Variants in AGAP1 observed in about 807,000 individuals in gnomAD.
AGAP1 encodes arf-GAP with GTPase, ANK repeat and PH domain-containing protein 1.
A neutral mutation model predicts 105.3 loss-of-function variants in AGAP1; 29 were observed. The ratio of observed to expected loss-of-function variants is 0.28; its 90% CI spans 0.21 to 0.38. The LOEUF (loss-of-function observed/expected upper bound fraction) is 0.38. Ranked by LOEUF, AGAP1 falls within the 10% of genes least tolerant of loss-of-function variation. The probability of loss-of-function intolerance (pLI) is 1.00; values close to 1 mark genes in which losing one functional copy is unlikely to be tolerated. For missense variants in AGAP1, 998 were observed against 1,165.1 expected (o/e 0.86, Z 2.09); for synonymous variants, 509 against 485.9 (o/e 1.05, Z -0.63).
chr2:235,699,865 C>G (rs549197835), intron 1 of AGAP1, among the ~76,000 whole-genome samples: 1 of 152,312 alleles, frequency 6.6e-6, no homozygotes, highest in African/African-American at 2.4e-5. Context: ...AGGTGTGGGG[C>G]TTTGCCAGAA....
At chr2:235,706,794 T>G (rs1341808619) in intron 1 of AGAP1, among the ~76,000 whole-genome samples, 3 of 152,214 alleles carry the variant, frequency 2.0e-5, no homozygotes, top group Non-Finnish European at 4.4e-5. Context: ...GGCCTGCATT[T>G]TGGAGTCATC....
rs1426319661 is a variant in AGAP1 at position 235,830,011 on chromosome 2, G to A, written c.1050+22680G>A. On this transcript the variant is annotated intron_variant, in intron 9 of 17. Transcript: ENST00000304032. The surrounding 1 kb of genome is among the most constrained non-coding windows in gnomAD (Gnocchi z 5.5). Reference sequence around the variant, plus strand: ...GGGGCACATGGGGACCAGGACACCTGGACATACACAGTCAGAAGGAAGACT... The same window carrying A: ...GGGGCACATGGGGACCAGGACACCTAGACATACACAGTCAGAAGGAAGACT... 3.9e-5 allele frequency among the ~76,000 whole-genome samples: 6 copies of A among 152,114 alleles called. No homozygotes were observed. Among genetic ancestry groups the A allele is most frequent in the Admixed American group, 6.6e-5 (1 of 15,264 alleles).
At chr2:235,821,084 G>A (rs890249529) in intron 9 of AGAP1, among the ~76,000 whole-genome samples, 1 of 152,068 alleles carries the variant, frequency 6.6e-6, no homozygotes, top group African/African-American at 2.4e-5. Flanking sequence ...TAGGAGAAAG[G>A]GAAAAAGACC....
At chr2:235,840,280 C>T (rs922553803) in intron 9 of AGAP1, among the ~76,000 whole-genome samples, 1 of 150,354 alleles carries the variant, frequency 6.7e-6, no homozygotes, top group Non-Finnish European at 1.5e-5. Flanking sequence ...TGGCTTCAGC[C>T]GCTGTCCATT....
intron 1 of AGAP1, among the ~76,000 whole-genome samples, chr2:235,678,720 C>T (rs535094394): frequency 3.3e-5 from 5 of 152,238 alleles, no homozygotes; most frequent in East Asian, 3.9e-4. Context: ...GACTGTCCTC[C>T]TGCCTGCCTG....
At chr2:235,632,015 G>A (rs1946844891) in intron 1 of AGAP1, among the ~76,000 whole-genome samples, 1 of 152,222 alleles carries the variant, frequency 6.6e-6, no homozygotes, top group South Asian at 2.1e-4. Flanking sequence ...GGTTTATGGG[G>A]TCACCAGCCT....
At position 235,908,890 on chromosome 2, in the gene AGAP1, C is replaced by T. The variant is rs749285907; in HGVS notation, c.1308C>T (p.His436=). The change falls in exon 11 of 18, where the codon CAC becomes CAT. Residue 436 remains histidine, a synonymous_variant. Transcript: ENST00000304032. The surrounding 1 kb of genome is among the most constrained non-coding windows in gnomAD (Gnocchi z 4.4). ...NGLSKDMSSL[H]ISPNSGNVTS... ...TATCCAAGGACATGAGCAGTTTACA[C>T]ATCTCACCCAATTCAGGTAAGCTTA... 10 of 1,612,482 alleles carry T rather than the reference C, an allele frequency of 6.2e-6. No homozygotes were observed. In the African/African-American group the frequency reaches 9.4e-5, roughly 15 times the overall value.
intron 4 of AGAP1, among the ~76,000 whole-genome samples, chr2:235,743,617 C>T (rs181719601): frequency 1.3e-5 from 2 of 152,212 alleles, no homozygotes; most frequent in Admixed American, 1.3e-4. Context: ...TAAGTTTTAC[C>T]ATGTACATGT....
intron 1 of AGAP1, among the ~76,000 whole-genome samples, chr2:235,637,463 T>C (rs536801220): frequency 2.0e-5 from 3 of 150,338 alleles, no homozygotes; most frequent in Admixed American, 2.0e-4. Context: ...TTTTTTTTTT[T>C]GTAGAGACAG....
intron 1 of AGAP1, among the ~76,000 whole-genome samples, chr2:235,522,041 G>A (rs80192382): frequency 0.021 from 3,172 of 152,216 alleles, 55 homozygotes; most frequent in Non-Finnish European, 0.028. Flanking sequence ...TGAATACATC[G>A]GATGTAATCA....
intron 5 of AGAP1, among the ~76,000 whole-genome samples, chr2:235,746,507 C>T (rs535291252): frequency 2.6e-4 from 38 of 147,956 alleles, no homozygotes; most frequent in Non-Finnish European, 5.0e-4. Flanking sequence ...AGGCCTAATG[C>T]ACCCTCTAGT....
rs1437460679 is a variant in AGAP1 at position 235,919,966 on chromosome 2, T to A, written c.1325-10799T>A. ...CACTGTCGGAATCTGGAGCAGCACGTGTTCCTTCAGCAGATAAAAATGGCA... is the reference window on the plus strand; with the variant it reads ...CACTGTCGGAATCTGGAGCAGCACGAGTTCCTTCAGCAGATAAAAATGGCA... On this transcript the variant is annotated intron_variant, in intron 11 of 17. Coordinates refer to ENST00000304032, the MANE Select transcript of AGAP1 (RefSeq NM_001037131.3). The surrounding 1 kb of genome is among the most constrained non-coding windows in gnomAD (Gnocchi z 4.1). 1.3e-5 allele frequency among the ~76,000 whole-genome samples: 2 copies of A among 152,192 alleles called. No individual in the cohort carries two copies. Among genetic ancestry groups the A allele is most frequent in the African/African-American group, 4.8e-5 (2 of 41,448 alleles).
rs1961070304 is a variant in AGAP1 at position 235,843,237 on chromosome 2, G to A, written c.1050+35906G>A. Among the ~76,000 whole-genome samples the A allele has an allele frequency of 6.6e-6, 1 of 152,090 alleles. No individual in the cohort carries two copies. The highest frequency in any genetic ancestry group is 1.5e-5 in the Non-Finnish European group (1 of 68,030). ...CTCCTTCTTAGAGAGTGGTCTTCGG[G>A]AGGACCTGAGCTTCGGCTGCGGCCT... On this transcript the variant is annotated intron_variant, in intron 9 of 17. Coordinates refer to ENST00000304032, the MANE Select transcript of AGAP1 (RefSeq NM_001037131.3). This position sits in a 1 kb window ranked among gnomAD's most constrained non-coding sequence, Gnocchi z 5.9.
At chr2:235,746,377 CTTTTTTT>C (rs1172393048) in intron 5 of AGAP1, among the ~76,000 whole-genome samples, 3,691 of 55,446 alleles carry the variant, frequency 0.067, 154 homozygotes, top group Non-Finnish European at 0.085. Context: ...CCTCCCCCAA[CTTTTTTT>C]TTTTTTTTTT....
Position 235,857,618 on chromosome 2 carries a change from C to T in AGAP1, c.1051-25727C>T, listed in dbSNP as rs147543883. On this transcript the variant is annotated intron_variant, in intron 9 of 17. Transcript: ENST00000304032. ...GGATGCATTGCATGTCACATGTATA[C>T]ATTGTCTGTTTCTCCACATATACAC... is the stretch of plus-strand genomic sequence containing the variant. Among the ~76,000 whole-genome samples the T allele has an allele frequency of 7.3e-3, 1,108 of 152,330 alleles. 5 individuals are homozygous for T. Among genetic ancestry groups the T allele is most frequent in the Middle Eastern group, 0.017 (5 of 294 alleles).
intron 3 of AGAP1, among the ~76,000 whole-genome samples, chr2:235,738,717 C>T (rs1045178308): frequency 6.6e-6 from 1 of 151,922 alleles, no homozygotes; most frequent in Admixed American, 6.6e-5. Context: ...ACCACCACAC[C>T]TGGCTAATTT....
intron 8 of AGAP1, among the ~76,000 whole-genome samples, chr2:235,802,299 G>T (rs115196405): frequency 0.018 from 2,752 of 152,272 alleles, 87 homozygotes; most frequent in African/African-American, 0.063. Flanking sequence ...GGCAGGTGCA[G>T]AAGCCAGTAA....
intron 13 of AGAP1, among the ~76,000 whole-genome samples, chr2:236,029,937 C>G (rs573857338): frequency 6.6e-6 from 1 of 152,032 alleles, no homozygotes; most frequent in Admixed American, 6.6e-5. Flanking sequence ...TGAGGTCTCA[C>G]TGTGTTGCCC....
intron 9 of AGAP1, among the ~76,000 whole-genome samples, chr2:235,840,507 C>A (rs78810039): frequency 1.3e-3 from 195 of 152,260 alleles, no homozygotes; most frequent in African/African-American, 4.4e-3. Context: ...TCTCAATACT[C>A]GTGGGTCCGT....
Sources: gnomAD v4.1 joint callset for allele counts (sites outside exome capture counted in the v4.1 genomes callset) on GRCh38, gnomAD v4.1.1 for gene constraint, Gnocchi (gnomAD v3.1) non-coding constraint, MANE v1.5 for transcripts, NCBI Gene and HGNC (gene_info 2026-07-23, HGNC 2026-07-21) for gene names.